Variants in RTTN observed in about 807,000 individuals in gnomAD.
RTTN encodes rotatin.
In RTTN, 182 loss-of-function variants were observed where a neutral mutation model predicts 269.2. That is an observed-to-expected ratio of 0.68 (90% CI 0.60 to 0.76). The LOEUF (loss-of-function observed/expected upper bound fraction) is 0.76, where lower values mean the gene tolerates loss of function less well. RTTN is among the 30% of genes least tolerant of loss of function. The pLI, the probability that RTTN is intolerant of heterozygous loss-of-function variation, is 0.00. For missense variants in RTTN, 2,545 were observed against 2,608.6 expected (o/e 0.98, Z 0.53); for synonymous variants, 1,006 against 963.5 (o/e 1.04, Z -0.82).
intron 40 of RTTN, among the ~76,000 whole-genome samples, chr18:70,040,882 T>C (rs772420239): frequency 4.6e-5 from 7 of 152,018 alleles, no homozygotes; most frequent in Non-Finnish European, 1.0e-4. Flanking sequence ...GTCCAGTGGG[T>C]TAATGAAAAA....
chr18:70,200,178 G>C (rs1004356438), intron 4 of RTTN, among the ~76,000 whole-genome samples: 7 of 152,194 alleles, frequency 4.6e-5, no homozygotes, highest in African/African-American at 1.7e-4. Context: ...GCTTTGAAAA[G>C]AGCATGGAAT....
rs148739562 is a variant in RTTN, at chr18:70,052,076, C to CT, written c.5186-529dup. On this transcript the variant is annotated intron_variant, in intron 38 of 48. Transcript: ENST00000640769. The stretch of plus-strand genomic sequence containing the variant: ...TATGACGCAAAAGAAGATTCTGCAG[C>CT]TTTTCCTATGGCTAAGGATGTAGCA... Among the ~76,000 whole-genome samples, 406 of 152,286 alleles carry CT rather than the reference C, an allele frequency of 2.7e-3. 24 individuals carry two copies. The East Asian group carries it at 0.063, about 24-fold the overall frequency.
At chr18:70,032,770 C>T (rs1027294686) in intron 40 of RTTN, among the ~76,000 whole-genome samples, 1 of 152,056 alleles carries the variant, frequency 6.6e-6, no homozygotes, top group Non-Finnish European at 1.5e-5. Context: ...GACAGATAAT[C>T]CAGGCAAAAA....
chr18:70,095,020 C>T (rs1045626469), intron 28 of RTTN, among the ~76,000 whole-genome samples: 2 of 150,582 alleles, frequency 1.3e-5, no homozygotes, highest in African/African-American at 4.9e-5. Context: ...GGACAGTTAG[C>T]TCTTCTTGCT....
At chr18:70,166,750 C>A in intron 13 of RTTN, 169 bp downstream of exon 13, 1 of 497,572 alleles carries the variant, frequency 2.0e-6, no homozygotes, top group South Asian at 3.5e-5. Context: ...AGTTAAGTAT[C>A]CTAATGCAGC....
chr18:70,176,236 T>C (rs1057110221), intron 11 of RTTN, among the ~76,000 whole-genome samples: 2 of 151,586 alleles, frequency 1.3e-5, no homozygotes, highest in Non-Finnish European at 2.9e-5. Context: ...TGTATATGTA[T>C]ATGTATATGT....
In RTTN at chr18:70,114,605, A is replaced by G; in HGVS notation, c.3529-6T>C. ...TCTAACAGTGGGTTTGCACTCTAAAAAATGAAATTTGTAAAAAATGTATTT... is the reference window on the plus strand; with the variant it reads ...TCTAACAGTGGGTTTGCACTCTAAAGAATGAAATTTGTAAAAAATGTATTT... On this transcript the variant is annotated splice_polypyrimidine_tract_variant and splice_region_variant and intron_variant, in intron 26 of 48. Coordinates refer to ENST00000640769, the MANE Select transcript of RTTN (RefSeq NM_173630.4). 6.2e-7 allele frequency: 1 copy of G among 1,604,626 alleles called. No individual in the cohort carries two copies. The highest frequency in any genetic ancestry group is 8.5e-7 in the Non-Finnish European group (1 of 1,177,386).
intron 43 of RTTN, 135 bp downstream of exon 43, chr18:70,028,589 A>C (rs2056919157): frequency 3.6e-6 from 2 of 556,290 alleles, no homozygotes; most frequent in Non-Finnish European, 6.3e-6. Context: ...CACTGAGTTT[A>C]AGGACCAATC....
chr18:70,133,637 ATTT>A (rs2060051934), intron 23 of RTTN, among the ~76,000 whole-genome samples: 1 of 152,112 alleles, frequency 6.6e-6, no homozygotes, highest in Non-Finnish European at 1.5e-5. Flanking sequence ...AATGCACTCT[ATTT>A]ATAAAGTTCA....
At chr18:70,180,801 C>T (rs991028997) in intron 10 of RTTN, among the ~76,000 whole-genome samples, 1 of 152,078 alleles carries the variant, frequency 6.6e-6, no homozygotes, top group Non-Finnish European at 1.5e-5. Flanking sequence ...ACAGTAAGTG[C>T]TATATTTAAA....
In RTTN at chr18:70,184,052, G is replaced by A. The variant is rs562198964; in HGVS notation, c.1305+4056C>T. Among the ~76,000 whole-genome samples, 36 of 152,200 alleles carry A rather than the reference G, an allele frequency of 2.4e-4. No homozygotes were observed. In the South Asian group the frequency reaches 7.5e-3, roughly 32 times the overall value. ...CAAAGTGCTTCAGAACCCTCCCAAAGTGCTTCTAAAAGGGTAAAATAAAAA... is the reference window on the plus strand; with the variant it reads ...CAAAGTGCTTCAGAACCCTCCCAAAATGCTTCTAAAAGGGTAAAATAAAAA... On this transcript the variant is annotated intron_variant, in intron 10 of 48. Coordinates refer to ENST00000640769, the MANE Select transcript of RTTN (RefSeq NM_173630.4).
At chr18:70,171,805 G>A (rs774018541) in intron 11 of RTTN, among the ~76,000 whole-genome samples, 8 of 152,158 alleles carry the variant, frequency 5.3e-5, no homozygotes, top group Non-Finnish European at 1.0e-4. Flanking sequence ...TAGAAATGCC[G>A]GCTCTCAGGC....
At position 70,059,841 on chromosome 18, in the gene RTTN, A is replaced by C. The variant is rs1167140329; in HGVS notation, c.4940+9T>G. On this transcript the variant is annotated intron_variant, in intron 36 of 48. Coordinates refer to ENST00000640769, the MANE Select transcript of RTTN (RefSeq NM_173630.4). Reference sequence around the variant, plus strand: ...CTAACATGCCTCTCTAGGAGTATTTATCTCTTACCTACAGAGAAGTTCTAT... The same window carrying C: ...CTAACATGCCTCTCTAGGAGTATTTCTCTCTTACCTACAGAGAAGTTCTAT... 1.3e-6 allele frequency: 2 copies of C among 1,568,948 alleles called. No homozygotes were observed. Among genetic ancestry groups the C allele is most frequent in the Admixed American group, 1.8e-5 (1 of 54,432 alleles).
chr18:70,066,644 G>A (rs2058143724), intron 34 of RTTN, among the ~76,000 whole-genome samples: 1 of 152,152 alleles, frequency 6.6e-6, no homozygotes, highest in South Asian at 2.1e-4. Context: ...CTTCTGTGAA[G>A]TAACATGAAG....
At chr18:70,134,619 A>C in intron 22 of RTTN, 78 bp from the exon 23 acceptor site, 9 of 893,506 alleles carry the variant, frequency 1.0e-5, no homozygotes, top group Non-Finnish European at 1.6e-5. Context: ...AACTTACCTC[A>C]CTTCGTTGAC....
rs1390965825 is a variant in RTTN, at chr18:70,165,935, A to G, written c.1929+127T>C. 3.6e-6 allele frequency: 3 copies of G among 832,340 alleles called. No individual in the cohort carries two copies. The East Asian group carries it at 8.7e-5, about 24-fold the overall frequency. 51.6% of individuals were successfully genotyped at this position (832,340 alleles called of 1,614,324 possible). A position where few individuals can be genotyped will look rare whatever the true frequency, so the allele number is the denominator to read the frequency against. On this transcript the variant is annotated intron_variant, in intron 14 of 48. Coordinates refer to ENST00000640769, the MANE Select transcript of RTTN (RefSeq NM_173630.4). ...TTTCCAGAATTGACTAGTAATTATCATCTACTTTTATGGGATATAGTTCTT... is the reference window on the plus strand; with the variant it reads ...TTTCCAGAATTGACTAGTAATTATCGTCTACTTTTATGGGATATAGTTCTT...
intron 11 of RTTN, among the ~76,000 whole-genome samples, chr18:70,170,155 G>A (rs2061100464): frequency 1.3e-5 from 2 of 152,106 alleles, no homozygotes; most frequent in African/African-American, 2.4e-5. Context: ...GGAGGAAAAA[G>A]AGAAACTCAA....
At position 70,006,455 on chromosome 18, in the gene RTTN, G is replaced by A; in HGVS notation, c.6451C>T (p.Leu2151=). 6.2e-7 allele frequency: 1 copy of A among 1,613,990 alleles called. No homozygotes were observed. The highest frequency in any genetic ancestry group is 8.5e-7 in the Non-Finnish European group (1 of 1,179,894). Residue 2151 remains leucine (L), a synonymous_variant, in exon 47 of 49, where the codon CTG becomes TTG. Transcript: ENST00000640769. ...TGAGCATTTTGATTCTCACTTTCCAGACAGGCAGCAAGCACAGTAATGACT... is the reference window on the plus strand; with the variant it reads ...TGAGCATTTTGATTCTCACTTTCCAAACAGGCAGCAAGCACAGTAATGACT... ...EKVITVLAAC[L]ESENQNAQRI... is the part of the protein sequence containing the mutation.
At chr18:70,162,888 A>C (rs2145880282) in intron 14 of RTTN, among the ~76,000 whole-genome samples, 1 of 125,606 alleles carries the variant, frequency 8.0e-6, no homozygotes, top group African/African-American at 3.7e-5. Context: ...TAAAAGTTGA[A>C]AAAAAAAAAA....
Sources: gnomAD v4.1 joint callset for allele counts (sites outside exome capture counted in the v4.1 genomes callset) on GRCh38, gnomAD v4.1.1 for gene constraint, MANE v1.5 for transcripts, NCBI Gene and HGNC (gene_info 2026-07-23, HGNC 2026-07-21) for gene names.